Variants in CER1 observed in about 807,000 individuals in gnomAD.
CER1 encodes cerberus 1, DAN family BMP antagonist.
Under a neutral mutation model 11.8 loss-of-function variants are expected in CER1, and 10 were observed. The ratio of observed to expected loss-of-function variants is 0.85; its 90% CI spans 0.52 to 1.44. CER1 has a LOEUF of 1.44. Among genes scored for constraint, CER1 ranks in the 40% most tolerant of loss-of-function variants. The pLI, the probability that CER1 is intolerant of heterozygous loss-of-function variation, is 0.00. For synonymous variants in CER1, 141 were observed against 122.3 expected (o/e 1.15, Z -1.01); for missense variants, 431 against 327.0 (o/e 1.32, Z -2.45).
intron 1 of CER1, among the ~76,000 whole-genome samples, chr9:14,721,772 T>A (rs778181486): frequency 6.6e-6 from 1 of 152,082 alleles, no homozygotes; most frequent in Non-Finnish European, 1.5e-5. Flanking sequence ...ATTAATAGAG[T>A]GCAGAAAGAT....
downstream of CER1, among the ~76,000 whole-genome samples, chr9:14,717,825 A>G (rs1173936144): frequency 6.6e-6 from 1 of 152,232 alleles, no homozygotes; most frequent in Non-Finnish European, 1.5e-5. Context: ...TATTCTCCAA[A>G]TGCTCTTAGG....
In CER1 at chr9:14,722,095, T is replaced by C. The variant is rs75919904; in HGVS notation, c.507+71A>G. 5,921 of 1,513,482 alleles carry C rather than the reference T, an allele frequency of 3.9e-3. 208 individuals are homozygous for C. In the African/African-American group the frequency reaches 0.072, roughly 18 times the overall value. 93.8% of individuals were successfully genotyped at this position (1,513,482 alleles called of 1,614,324 possible). On this transcript the variant is annotated intron_variant, in intron 1 of 1. Transcript: ENST00000380911. ...TCAGGCTCCTGACAGCCTTTTCCCC[T>C]ACTCTCCATCCATCCCAGCTGTCCA...
intron 1 of CER1, 102 bp downstream of exon 1, chr9:14,722,064 C>A: frequency 7.5e-7 from 1 of 1,336,352 alleles, no homozygotes; most frequent in Non-Finnish European, 1.0e-6. Flanking sequence ...TGTAGTTAAG[C>A]TAGAGTCAGG....
chr9:14,722,293 C>G lies in CER1; in HGVS notation c.380G>C (p.Arg127Pro), dbSNP rs368117006. 2 of 1,614,212 alleles carry G rather than the reference C, an allele frequency of 1.2e-6. No homozygotes were observed. The highest frequency in any genetic ancestry group is 4.5e-5 in the East Asian group (2 of 44,880). Residue 127 changes from arginine to proline, a missense_variant, in exon 1 of 2, where the codon CGG (arginine) becomes CCG (proline). Arg to Pro is a moderately radical substitution (Grantham distance 103). Coordinates refer to ENST00000380911, the MANE Select transcript of CER1 (RefSeq NM_005454.3). ...DGMKMEKSPL[R>P]EEAKKFWHHF... ...GTGCCAGAATTTCTTGGCTTCTTCC[C>G]GAAGAGGAGATTTCTCCATTTTCAT... is the stretch of plus-strand genomic sequence containing the variant.
At chr9:14,720,896 C>A (rs1839999814) in intron 1 of CER1, among the ~76,000 whole-genome samples, 1 of 152,184 alleles carries the variant, frequency 6.6e-6, no homozygotes, top group Non-Finnish European at 1.5e-5. Flanking sequence ...AGCAGAGTTA[C>A]AATGCATATG....
rs1383171792 is a variant in CER1, at chr9:14,722,377, T to A, written c.296A>T (p.Asp99Val). ...AGGTGGGAAGGGCTCACTATCTGAGTCCCTGGATGGATGCATTTCTCTCTC... is the reference window on the plus strand; with the variant it reads ...AGGTGGGAAGGGCTCACTATCTGAGACCCTGGATGGATGCATTTCTCTCTC... The part of the protein sequence containing the change: ...KPEREMHPSR[D>V]SDSEPFPPGT... Residue 99 changes from aspartate (D) to valine (V), a missense_variant, in exon 1 of 2, where the codon GAC becomes GTC. Coordinates refer to ENST00000380911, the MANE Select transcript of CER1 (RefSeq NM_005454.3). 7 of 1,614,116 alleles carry A rather than the reference T, an allele frequency of 4.3e-6. No homozygotes were observed. The East Asian group carries it at 1.6e-4, about 36-fold the overall frequency.
In CER1 at chr9:14,720,018, A is replaced by AT; in HGVS notation, c.*71dup. The AT allele has an allele frequency of 6.8e-7, 1 of 1,466,850 alleles. No individual in the cohort carries two copies. The highest frequency in any genetic ancestry group is 9.4e-7 in the Non-Finnish European group (1 of 1,058,518). The allele number at this position is 1,466,850 out of a possible 1,614,324, so 90.9% of individuals were successfully genotyped here. On this transcript the variant is annotated 3_prime_UTR_variant, in exon 2 of 2. Coordinates refer to ENST00000380911, the MANE Select transcript of CER1 (RefSeq NM_005454.3). ...TGAAAATGTTATGTACCCACTTAAC[A>AT]TTTTCAGACTGAATAATCAGCATCT...
At chr9:14,719,039 C>A (rs555247145), downstream of CER1, among the ~76,000 whole-genome samples, 1 of 152,118 alleles carries the variant, frequency 6.6e-6, no homozygotes, top group African/African-American at 2.4e-5. Flanking sequence ...AATTTTGGTA[C>A]TTGCTGAATA....
chr9:14,718,331 C>T (rs1422027344), downstream of CER1, among the ~76,000 whole-genome samples: 3 of 152,150 alleles, frequency 2.0e-5, no homozygotes, highest in Non-Finnish European at 4.4e-5. Flanking sequence ...ATCATGACAG[C>T]TGTTTGATAG....
At chr9:14,722,112 A>G (rs1840020913) in intron 1 of CER1, 54 bp downstream of exon 1, 1 of 1,560,016 alleles carries the variant, frequency 6.4e-7, no homozygotes, top group Non-Finnish European at 8.7e-7. Context: ...CATCCATCCC[A>G]GCTGTCCACT....
Position 14,720,264 on chromosome 9 carries a change from CAA to C in CER1, c.628_629del (p.Leu210AlafsTer15), listed in dbSNP as rs1303863951. ...AGTGCATCGTGGTGAACTTGGCAGG[CAA>C]ACAGTGAGAGCAGGAGGTATGGGAG... Reference protein sequence around the residue: ...QHSHTSCSHCLPAKFTTMHLP... With the variant: ...QHSHTSCSHCXPAKFTTMHLP... On this transcript the variant is annotated frameshift_variant, in exon 2 of 2. Coordinates refer to ENST00000380911, the MANE Select transcript of CER1 (RefSeq NM_005454.3). LOFTEE classifies it low-confidence loss of function (END_TRUNC). 6.2e-7 allele frequency: 1 copy of C among 1,614,106 alleles called. No individual in the cohort carries two copies. Among genetic ancestry groups the C allele is most frequent in the East Asian group, 2.2e-5 (1 of 44,870 alleles).
rs1377203828 is a variant in CER1, at chr9:14,722,128, C to A, written c.507+38G>T. ...ATCCATCCCAGCTGTCCACTACCAC[C>A]TGCAAACTCTTACCTGCTCTCCCCC... On this transcript the variant is annotated intron_variant, in intron 1 of 1. Coordinates refer to ENST00000380911, the MANE Select transcript of CER1 (RefSeq NM_005454.3). 3 of 1,583,394 alleles carry A rather than the reference C, an allele frequency of 1.9e-6. No homozygotes were observed. In the East Asian group the frequency reaches 6.7e-5, roughly 35 times the overall value.
chr9:14,721,287 A>C (rs1840009500), intron 1 of CER1, among the ~76,000 whole-genome samples: 2 of 152,218 alleles, frequency 1.3e-5, no homozygotes, highest in South Asian at 4.1e-4. Context: ...CTTCATGTTT[A>C]AGGACCTAAT....
chr9:14,717,972 T>A (rs1251961192), downstream of CER1, among the ~76,000 whole-genome samples: 4 of 152,224 alleles, frequency 2.6e-5, no homozygotes, highest in Non-Finnish European at 5.9e-5. Flanking sequence ...TAATAAATGT[T>A]CAATATTTGT....
intron 1 of CER1, among the ~76,000 whole-genome samples, chr9:14,721,014 A>C (rs1357482936): frequency 6.6e-6 from 1 of 152,226 alleles, no homozygotes; most frequent in Non-Finnish European, 1.5e-5. Context: ...GTTTTAATTT[A>C]ATTAGCAATA....
chr9:14,721,687 G>T (rs1840014736), intron 1 of CER1, among the ~76,000 whole-genome samples: 1 of 152,134 alleles, frequency 6.6e-6, no homozygotes, highest in Non-Finnish European at 1.5e-5. Flanking sequence ...ATCGTAAATG[G>T]ATATGAGAGT....
Position 14,722,676 on chromosome 9 carries a change from G to T in CER1, c.-4C>A. 1 of 1,591,022 alleles carries T rather than the reference G, an allele frequency of 6.3e-7. No homozygotes were observed. Among genetic ancestry groups the T allele is most frequent in the South Asian group, 1.1e-5 (1 of 89,250 alleles). ...GCTGAAATAAGAGGAGATGCATGCTGTCAGGGGCCCAAGCTTCTTTTGTAA... is the reference window on the plus strand; with the variant it reads ...GCTGAAATAAGAGGAGATGCATGCTTTCAGGGGCCCAAGCTTCTTTTGTAA... On this transcript the variant is annotated 5_prime_UTR_variant, in exon 1 of 2. Transcript: ENST00000380911.
chr9:14,719,619 TTTCCTTCC>T (rs1243988917), downstream of CER1: 6 of 99,626 alleles, frequency 6.0e-5, no homozygotes, highest in Non-Finnish European at 9.9e-5. Context: ...TCCTTCCTTC[TTTCCTTCC>T]TTCCTTCCTT....
At chr9:14,719,540 TGCC>T (rs1839975640), downstream of CER1, among the ~76,000 whole-genome samples, 1 of 62,748 alleles carries the variant, frequency 1.6e-5, no homozygotes, top group Non-Finnish European at 3.0e-5. Context: ...CCTGCCTGCC[TGCC>T]TGCCTGCCTG....
Sources: gnomAD v4.1 joint callset for allele counts (sites outside exome capture counted in the v4.1 genomes callset) on GRCh38, gnomAD v4.1.1 for gene constraint, MANE v1.5 for transcripts, NCBI Gene and HGNC (gene_info 2026-07-23, HGNC 2026-07-21) for gene names.